The following TMEM255B variants were observed in gnomAD, a reference collection of about 807,000 sequenced individuals.
The protein encoded by TMEM255B is family with sequence similarity 70, member B.
A neutral mutation model predicts 34.5 loss-of-function variants in TMEM255B; 35 were observed. The ratio of observed to expected loss-of-function variants is 1.01; its 90% CI spans 0.77 to 1.34. The LOEUF (loss-of-function observed/expected upper bound fraction) is 1.34, where lower values mean the gene tolerates loss of function less well. Among genes scored for constraint, TMEM255B ranks in the 40% most tolerant of loss-of-function variants. TMEM255B has a pLI of 0.00. For synonymous variants in TMEM255B, 206 were observed against 201.2 expected (o/e 1.02, Z -0.20); for missense variants, 432 against 433.2 (o/e 1.00, Z 0.02).
Position 113,816,411 on chromosome 13 carries a change from T to C in TMEM255B, c.*4508T>C, listed in dbSNP as rs549169536. On this transcript the variant is annotated 3_prime_UTR_variant, in exon 9 of 9. Transcript: ENST00000375353. ...CTGACCACCGACCCATGCTCTGCAC[T>C]CATGAGGCGTGGCTATTGCTGTGTG... 1 of 157,330 alleles carries C rather than the reference T, an allele frequency of 6.4e-6. No individual in the cohort carries two copies. Among genetic ancestry groups the C allele is most frequent in the South Asian group, 1.6e-4 (1 of 6,304 alleles). The allele number at this position is 157,330 out of a possible 1,614,324, so 9.7% of individuals were successfully genotyped here.
chr13:113,767,826 TCAAA>T (rs1259557228), intron 2 of TMEM255B, among the ~76,000 whole-genome samples: 4 of 152,202 alleles, frequency 2.6e-5, no homozygotes, highest in African/African-American at 7.2e-5. Context: ...GTGGTTTTTT[TCAAA>T]TCCCCAAAAA....
intron 4 of TMEM255B, among the ~76,000 whole-genome samples, chr13:113,796,003 ACAC>A (rs1476700724): frequency 4.8e-5 from 5 of 104,798 alleles, no homozygotes; most frequent in African/African-American, 1.9e-4. Flanking sequence ...ACAGCACACA[ACAC>A]ACAGAGCACA....
At chr13:113,765,652 G>A (rs963586801) in intron 1 of TMEM255B, among the ~76,000 whole-genome samples, 3 of 152,186 alleles carry the variant, frequency 2.0e-5, no homozygotes, top group Non-Finnish European at 2.9e-5. Context: ...TGCTGTGTGC[G>A]TTCCTCTCTC....
chr13:113,776,140 C>G (rs761373126), intron 3 of TMEM255B, among the ~76,000 whole-genome samples: 8 of 152,190 alleles, frequency 5.3e-5, no homozygotes, highest in Non-Finnish European at 1.0e-4. Context: ...CCGTCCCCCA[C>G]TCTCTGCTCA....
intron 1 of TMEM255B, among the ~76,000 whole-genome samples, chr13:113,762,647 G>C (rs1473906317): frequency 6.6e-6 from 1 of 152,204 alleles, no homozygotes; most frequent in Non-Finnish European, 1.5e-5. Context: ...GTTACCGATT[G>C]ACTTGACAAG....
intron 3 of TMEM255B, among the ~76,000 whole-genome samples, chr13:113,778,995 G>A (rs751493098): frequency 4.6e-5 from 7 of 152,256 alleles, no homozygotes; most frequent in Non-Finnish European, 1.0e-4. Context: ...TAGGTCTGGA[G>A]TGTTCTCTCT....
intron 2 of TMEM255B, among the ~76,000 whole-genome samples, chr13:113,767,836 A>C (rs943350645): frequency 3.9e-5 from 6 of 152,226 alleles, no homozygotes; most frequent in South Asian, 2.1e-4. Flanking sequence ...TCAAATCCCC[A>C]AAAAATAAAA....
chr13:113,801,105 AC>A (rs796735107), intron 6 of TMEM255B, among the ~76,000 whole-genome samples, 193 bp downstream of exon 6: 13 of 148,736 alleles, frequency 8.7e-5, no homozygotes, highest in South Asian at 2.2e-4. Flanking sequence ...TCCTGACATC[AC>A]CCCCCCCACA....
At chr13:113,759,343 G>A in intron 1 of TMEM255B, 28 bp downstream of exon 1, 2 of 1,229,200 alleles carry the variant, frequency 1.6e-6, no homozygotes, top group Non-Finnish European at 2.0e-6. Flanking sequence ...GGCTCGTCTC[G>A]GCTCCTGCGG....
intron 4 of TMEM255B, 30 bp from the exon 5 acceptor site, chr13:113,799,309 T>C: frequency 6.2e-7 from 1 of 1,612,036 alleles, no homozygotes; most frequent in Non-Finnish European, 8.5e-7. Context: ...GCACCTGTTT[T>C]ATTCCATCTG....
chr13:113,805,286 C>A (rs2051150387), intron 8 of TMEM255B, among the ~76,000 whole-genome samples: 1 of 152,200 alleles, frequency 6.6e-6, no homozygotes, highest in East Asian at 1.9e-4. Context: ...CCGGGGCTGG[C>A]CCCGCACAGG....
At chr13:113,786,044 G>A (rs773885831) in intron 3 of TMEM255B, among the ~76,000 whole-genome samples, 3 of 152,182 alleles carry the variant, frequency 2.0e-5, no homozygotes, top group Non-Finnish European at 4.4e-5. Context: ...GGCTGTGCAT[G>A]GACTTCTTCA....
intron 3 of TMEM255B, among the ~76,000 whole-genome samples, chr13:113,791,717 A>T (rs894313631): frequency 2.0e-5 from 3 of 152,212 alleles, no homozygotes; most frequent in Non-Finnish European, 4.4e-5. Context: ...CGAGCGAAAG[A>T]ACTTTGGAAG....
rs985622620 is a variant in TMEM255B at position 113,759,257 on chromosome 13, G to C, written c.-13G>C. 4 of 1,228,112 alleles carry C rather than the reference G, an allele frequency of 3.3e-6. No individual in the cohort carries two copies. The African/African-American group carries it at 4.7e-5, about 14-fold the overall frequency. The allele number at this position is 1,228,112 out of a possible 1,614,324, so 76.1% of individuals were successfully genotyped here. On this transcript the variant is annotated 5_prime_UTR_variant, in exon 1 of 9. Coordinates refer to ENST00000375353, the MANE Select transcript of TMEM255B (RefSeq NM_182614.4). ...GTGGCTGTGGCCCCGGGAGAGCCGG[G>C]TGGGGCCTCGGGATGCAGCCGCCGG...
chr13:113,815,366 G>A lies in TMEM255B; in HGVS notation c.*3463G>A, dbSNP rs997352810. ...GGAGAGAGGAAGGGACATGGGTGACGGTCCGTCCACATGGGGTCACCGGCC... is the reference window on the plus strand; with the variant it reads ...GGAGAGAGGAAGGGACATGGGTGACAGTCCGTCCACATGGGGTCACCGGCC... On this transcript the variant is annotated 3_prime_UTR_variant, in exon 9 of 9. Coordinates refer to ENST00000375353, the MANE Select transcript of TMEM255B (RefSeq NM_182614.4). The A allele has an allele frequency of 1.3e-5, 2 of 148,300 alleles. No individual in the cohort carries two copies. The highest frequency in any genetic ancestry group is 3.0e-5 in the Non-Finnish European group (2 of 67,294). The allele number at this position is 148,300 out of a possible 1,614,324, so 9.2% of individuals were successfully genotyped here. A position where few individuals can be genotyped will look rare whatever the true frequency, so the allele number is the denominator to read the frequency against.
chr13:113,781,379 C>T lies in TMEM255B; in HGVS notation c.252+12219C>T, dbSNP rs557034372. ...TTTATTTTATCCAACTTAAAACAAC[C>T]CTTTAACCTTTTAATCTAGGCAAAA... On this transcript the variant is annotated intron_variant, in intron 3 of 8. Transcript: ENST00000375353. Among the ~76,000 whole-genome samples the T allele has an allele frequency of 3.3e-5, 5 of 152,304 alleles. No individual in the cohort carries two copies. The East Asian group carries it at 7.7e-4, about 23-fold the overall frequency.
At chr13:113,802,165 G>A (rs1269924251) in intron 7 of TMEM255B, among the ~76,000 whole-genome samples, 1 of 152,244 alleles carries the variant, frequency 6.6e-6, no homozygotes, top group African/African-American at 2.4e-5. Context: ...GGTCTGGGCT[G>A]GGGCTGAGCT....
At position 113,770,126 on chromosome 13, in the gene TMEM255B, G is replaced by T. The variant is rs1225051535; in HGVS notation, c.252+966G>T. ...GACTGGGCAGTTTACAAAAGAAAGA[G>T]GTTTAATTGAACTCACAGTTCCACG... On this transcript the variant is annotated intron_variant, in intron 3 of 8. Transcript: ENST00000375353. The surrounding 1 kb of genome is among the most constrained non-coding windows in gnomAD (Gnocchi z 4.6). Among the ~76,000 whole-genome samples, 1 of 152,154 alleles carries T rather than the reference G, an allele frequency of 6.6e-6. No homozygotes were observed. Among genetic ancestry groups the T allele is most frequent in the Non-Finnish European group, 1.5e-5 (1 of 68,030 alleles).
chr13:113,795,322 C>G (rs2050902963), intron 4 of TMEM255B, 85 bp downstream of exon 4: 1 of 1,412,314 alleles, frequency 7.1e-7, no homozygotes, highest in African/African-American at 1.4e-5. Context: ...TTTTGCAGAT[C>G]TCAGCTCAGA....
Sources: gnomAD v4.1 joint callset for allele counts (sites outside exome capture counted in the v4.1 genomes callset) on GRCh38, gnomAD v4.1.1 for gene constraint, Gnocchi (gnomAD v3.1) non-coding constraint, MANE v1.5 for transcripts, NCBI Gene and HGNC (gene_info 2026-07-23, HGNC 2026-07-21) for gene names.